The following ERG variants were observed in gnomAD, a reference collection of about 807,000 sequenced individuals.
ERG encodes ETS transcription factor ERG.
ERG carries 9 observed loss-of-function variants against 55.3 expected under a neutral mutation model. That is an observed-to-expected ratio of 0.16 (90% CI 0.10 to 0.28). ERG has a LOEUF of 0.28. Ranked by LOEUF, ERG falls within the 10% of genes least tolerant of loss-of-function variation. ERG has a pLI of 1.00. For synonymous variants in ERG, 223 were observed against 237.3 expected (o/e 0.94, Z 0.55); for missense variants, 434 against 631.6 (o/e 0.69, Z 3.35).
chr21:38,489,690 G>A (rs2059318344), intron 1 of ERG, among the ~76,000 whole-genome samples: 1 of 152,254 alleles, frequency 6.6e-6, no homozygotes, highest in African/African-American at 2.4e-5. Context: ...TGCTTTTGCT[G>A]ACTTTTGCCT....
chr21:38,478,274 T>A (rs912027386), intron 1 of ERG, among the ~76,000 whole-genome samples: 2 of 152,260 alleles, frequency 1.3e-5, no homozygotes, highest in Non-Finnish European at 2.9e-5. Flanking sequence ...TGCTTAACTG[T>A]TCCTTTTCCT....
At chr21:38,367,674 A>C in the ERG span, 1 of 507,878 alleles carries the variant, frequency 2.0e-6, no homozygotes, top group Non-Finnish European at 3.9e-6. Context: ...GGGGAAATTA[A>C]GCTCCACTCT....
intron 2 of ERG, among the ~76,000 whole-genome samples, chr21:38,428,758 G>C (rs888557786): frequency 1.3e-5 from 2 of 152,178 alleles, no homozygotes; most frequent in African/African-American, 4.8e-5. Flanking sequence ...CTGTCAAACA[G>C]ATAATCATTT....
intron 1 of ERG, among the ~76,000 whole-genome samples, chr21:38,632,978 C>A (rs923050757): frequency 6.6e-6 from 1 of 152,136 alleles, no homozygotes; most frequent in African/African-American, 2.4e-5. Flanking sequence ...TAGAAGCAAC[C>A]CAAATGTCCA....
chr21:38,498,555 A>C, upstream of ERG: 2 of 1,325,730 alleles, frequency 1.5e-6, no homozygotes, highest in South Asian at 2.1e-5. The surrounding 1 kb of genome is among the most constrained non-coding windows in gnomAD (Gnocchi z 4.6). Flanking sequence ...GTCCAGCCCA[A>C]AGAAACAGGA....
At chr21:38,572,976 A>G (rs1373434902) in intron 2 of ERG, among the ~76,000 whole-genome samples, 1 of 152,216 alleles carries the variant, frequency 6.6e-6, no homozygotes, top group East Asian at 1.9e-4. Context: ...AGATGTTGTT[A>G]ATTTGTAGCT....
At chr21:38,497,147 C>T (rs932776168) in intron 1 of ERG, among the ~76,000 whole-genome samples, 2 of 152,152 alleles carry the variant, frequency 1.3e-5, no homozygotes, top group African/African-American at 2.4e-5. Context: ...ATTGAACACA[C>T]CTTGAGAAAT....
chr21:38,458,370 G>A (rs1183441631), intron 1 of ERG, among the ~76,000 whole-genome samples: 1 of 150,388 alleles, frequency 6.6e-6, no homozygotes, highest in Admixed American at 6.7e-5. Context: ...GTTGCAGTGA[G>A]CTGAGGTTGC....
intron 6 of ERG, among the ~76,000 whole-genome samples, chr21:38,397,596 C>CAAAAAAAA (rs61047146): frequency 6.0e-5 from 4 of 67,158 alleles, no homozygotes; most frequent in African/African-American, 1.4e-4. Context: ...GACTCCATCT[C>CAAAAAAAA]AAAAAAAAAA....
rs568213870 is a variant in ERG, at chr21:38,439,284, G to A, written c.236+6120C>T. ...TGCACAGACCTGCCAGCCTGCTCAC[G>A]AGAAGACAGTTTGCTTGTGGACCAT... On this transcript the variant is annotated intron_variant, in intron 2 of 9. Coordinates refer to ENST00000288319, the MANE Select transcript of ERG (RefSeq NM_182918.4). 7.2e-5 allele frequency among the ~76,000 whole-genome samples: 11 copies of A among 152,322 alleles called. No homozygotes were observed. In the South Asian group the frequency reaches 2.3e-3, roughly 32 times the overall value.
intron 1 of ERG, among the ~76,000 whole-genome samples, chr21:38,488,153 C>G (rs971354851): frequency 2.7e-4 from 41 of 152,182 alleles, no homozygotes; most frequent in African/African-American, 9.6e-4. Context: ...AAGTGATTGT[C>G]TATGAGAGCT....
chr21:38,441,626 G>T (rs2058841801), intron 2 of ERG, among the ~76,000 whole-genome samples: 1 of 152,162 alleles, frequency 6.6e-6, no homozygotes, highest in Admixed American at 6.5e-5. Flanking sequence ...GGGGGAGACG[G>T]GCATGAGCTC....
the ERG span, among the ~76,000 whole-genome samples, chr21:38,368,838 G>A: frequency 5.9e-3 from 891 of 152,072 alleles, 11 homozygotes; most frequent in African/African-American, 0.021. Flanking sequence ...TCATCATTTA[G>A]CTCCCACTTA....
chr21:38,486,168 C>CAG, intron 1 of ERG, among the ~76,000 whole-genome samples: 1 of 151,848 alleles, frequency 6.6e-6, no homozygotes, highest in Non-Finnish European at 1.5e-5. Context: ...CTCCTGACCT[C>CAG]GTGATCTGCC....
intron 8 of ERG, 100 bp from the exon 9 acceptor site, chr21:38,391,142 C>T (rs1343529732): frequency 1.9e-6 from 2 of 1,030,226 alleles, no homozygotes; most frequent in Non-Finnish European, 3.0e-6. Context: ...TTTCAGATTT[C>T]AGAGCCGAAA....
At chr21:38,430,896 A>G (rs989572040) in intron 2 of ERG, among the ~76,000 whole-genome samples, 1 of 152,188 alleles carries the variant, frequency 6.6e-6, no homozygotes, top group Non-Finnish European at 1.5e-5. Flanking sequence ...GCATTTGGTC[A>G]TAACTGTGGT....
intron 1 of ERG, among the ~76,000 whole-genome samples, chr21:38,613,824 A>AC (rs894756568): frequency 5.9e-5 from 9 of 151,682 alleles, no homozygotes; most frequent in South Asian, 2.1e-4. Flanking sequence ...CTAGAAGGGG[A>AC]CCCCCCCAAT....
chr21:38,571,450 G>A (rs1685796763), intron 2 of ERG, among the ~76,000 whole-genome samples: 2 of 152,050 alleles, frequency 1.3e-5, no homozygotes, highest in South Asian at 2.1e-4. Flanking sequence ...GGCAGAGGCT[G>A]CAGTGAGCCA....
intron 1 of ERG, among the ~76,000 whole-genome samples, chr21:38,639,109 G>C (rs978951296): frequency 1.3e-5 from 2 of 152,114 alleles, no homozygotes; most frequent in African/African-American, 2.4e-5. Flanking sequence ...CAACCCAAGA[G>C]AAAGAGCTAC....
Sources: allele counts gnomAD v4.1 joint callset (sites outside exome capture counted in the v4.1 genomes callset), GRCh38; gene constraint gnomAD v4.1.1; non-coding constraint Gnocchi (gnomAD v3.1); transcripts MANE v1.5; gene names NCBI Gene and HGNC (gene_info 2026-07-23, HGNC 2026-07-21).